Variants in RPH3A observed in about 807,000 individuals in gnomAD.
RPH3A encodes rabphilin-3A.
A neutral mutation model predicts 102.2 loss-of-function variants in RPH3A; 48 were observed. That is an observed-to-expected ratio of 0.47 (90% confidence interval 0.37 to 0.60). The LOEUF is 0.60. Among genes scored for constraint, RPH3A ranks in the 20% least tolerant of loss-of-function variants. RPH3A has a pLI of 0.00. For missense variants in RPH3A, 781 were observed against 910.1 expected (o/e 0.86, Z 1.83); for synonymous variants, 310 against 324.3 (o/e 0.96, Z 0.47).
chr12:112,816,787 GC>G (rs2041679514), intron 2 of RPH3A, among the ~76,000 whole-genome samples: 1 of 152,086 alleles, frequency 6.6e-6, no homozygotes, highest in Admixed American at 6.6e-5. Flanking sequence ...TTTCAGAAAG[GC>G]TGAGATATTT....
chr12:112,837,377 C>T (rs1349495582), intron 4 of RPH3A, among the ~76,000 whole-genome samples: 1 of 152,216 alleles, frequency 6.6e-6, no homozygotes, highest in African/African-American at 2.4e-5. Context: ...GTGTGAATTA[C>T]AGCCTTGCCT....
chr12:112,746,590 CT>C (rs2040748428), intron 1 of RPH3A, among the ~76,000 whole-genome samples: 1 of 152,092 alleles, frequency 6.6e-6, no homozygotes, highest in East Asian at 1.9e-4. Context: ...AAATATTTAC[CT>C]TCTCCACCAA....
At chr12:112,711,144 C>T (rs887693160) in intron 1 of RPH3A, among the ~76,000 whole-genome samples, 2 of 152,200 alleles carry the variant, frequency 1.3e-5, no homozygotes, top group African/African-American at 2.4e-5. Flanking sequence ...TGTACACACC[C>T]TGCATCTGAA....
intron 1 of RPH3A, among the ~76,000 whole-genome samples, chr12:112,734,113 T>C (rs1483625423): frequency 6.6e-6 from 1 of 152,206 alleles, no homozygotes; most frequent in Non-Finnish European, 1.5e-5. Flanking sequence ...TGCATAATGA[T>C]GTTTTGGTCA....
chr12:112,811,537 C>A (rs187068871), intron 2 of RPH3A, among the ~76,000 whole-genome samples: 2 of 148,738 alleles, frequency 1.3e-5, no homozygotes, highest in African/African-American at 2.5e-5. Flanking sequence ...AACCCCCCCC[C>A]CAAAAAAAAG....
At chr12:112,889,361 G>C (rs1223320723) in intron 17 of RPH3A, among the ~76,000 whole-genome samples, 1 of 152,244 alleles carries the variant, frequency 6.6e-6, no homozygotes, top group Non-Finnish European at 1.5e-5. Flanking sequence ...GGTGAATGCA[G>C]CCAGCCCCAG....
chr12:112,750,840 C>T (rs2040781419), intron 1 of RPH3A, among the ~76,000 whole-genome samples: 2 of 152,140 alleles, frequency 1.3e-5, no homozygotes, highest in African/African-American at 2.4e-5. Context: ...CAATGAGGAG[C>T]TAGGGGTTCT....
chr12:112,666,535 G>T (rs1255198803), intron 1 of RPH3A, among the ~76,000 whole-genome samples: 6 of 152,118 alleles, frequency 3.9e-5, no homozygotes, highest in Admixed American at 3.9e-4. Context: ...GACTGCTTTA[G>T]TTCCCCCCTT....
chr12:112,734,451 A>T (rs1291937765), intron 1 of RPH3A, among the ~76,000 whole-genome samples: 3 of 152,226 alleles, frequency 2.0e-5, no homozygotes, highest in Non-Finnish European at 4.4e-5. Flanking sequence ...CATGGCGAAT[A>T]TCAGTCCAAG....
intron 1 of RPH3A, among the ~76,000 whole-genome samples, chr12:112,755,971 G>C (rs1398051006): frequency 6.6e-6 from 1 of 152,174 alleles, no homozygotes; most frequent in Non-Finnish European, 1.5e-5. Context: ...ACATGGGGTA[G>C]AGAGTCAAAG....
chr12:112,648,036 T>C (rs1465639300), intron 1 of RPH3A, among the ~76,000 whole-genome samples: 1 of 152,232 alleles, frequency 6.6e-6, no homozygotes, highest in Non-Finnish European at 1.5e-5. Context: ...AATTTGGTTT[T>C]CTTCTATGTT....
At chr12:112,797,686 G>GA (rs967273678) in intron 2 of RPH3A, among the ~76,000 whole-genome samples, 5 of 148,536 alleles carry the variant, frequency 3.4e-5, no homozygotes, top group South Asian at 4.3e-4. Context: ...GAGAGTGAAT[G>GA]AAAAAAAAAA....
At chr12:112,636,268 G>A (rs1042047689) in intron 1 of RPH3A, among the ~76,000 whole-genome samples, 18 of 152,170 alleles carry the variant, frequency 1.2e-4, no homozygotes, top group Admixed American at 3.3e-4. Context: ...TTAAAAACAG[G>A]ACCCAGAAAT....
chr12:112,853,300 A>G (rs1015010131), intron 5 of RPH3A, among the ~76,000 whole-genome samples: 1 of 152,226 alleles, frequency 6.6e-6, no homozygotes, highest in Non-Finnish European at 1.5e-5. Flanking sequence ...AAAGTCTTCA[A>G]CATTCTATGG....
At chr12:112,743,097 A>C in intron 1 of RPH3A, among the ~76,000 whole-genome samples, 1 of 152,196 alleles carries the variant, frequency 6.6e-6, no homozygotes, top group Middle Eastern at 3.2e-3. Context: ...GATTACACTT[A>C]AAGTTCCCTC....
Position 112,847,788 on chromosome 12 carries a change from A to G in RPH3A, c.176A>G (p.Asn59Ser). The G allele has an allele frequency of 6.2e-7, 1 of 1,614,168 alleles. No homozygotes were observed. The highest frequency in any genetic ancestry group is 8.5e-7 in the Non-Finnish European group (1 of 1,179,998). The change falls in exon 5 of 22, where the codon AAC becomes AGC. Residue 59 changes from asparagine (N) to serine (S), a missense_variant. By Grantham distance (46) the Asn-to-Ser change is conservative. Transcript: ENST00000389385. ...ELTDEEKEII[N>S]RVIARAEKME... ...ACTGATGAGGAGAAAGAAATCATCA[A>G]CAGGGTGATTGCTCGAGCTGAGAAA... is the stretch of plus-strand genomic sequence containing the variant.
chr12:112,884,239 T>C (rs1231488118), intron 16 of RPH3A, among the ~76,000 whole-genome samples: 1 of 152,232 alleles, frequency 6.6e-6, no homozygotes, highest in Non-Finnish European at 1.5e-5. Flanking sequence ...ACTTGATCTG[T>C]TAAAAATCTT....
chr12:112,740,434 G>A (rs1040664822), intron 1 of RPH3A, among the ~76,000 whole-genome samples: 1 of 152,158 alleles, frequency 6.6e-6, no homozygotes, highest in Non-Finnish European at 1.5e-5. Context: ...ACACTCCAGT[G>A]ACTAAGCCTG....
chr12:112,658,551 C>T (rs1020464758), intron 1 of RPH3A, among the ~76,000 whole-genome samples: 3 of 152,180 alleles, frequency 2.0e-5, no homozygotes, highest in Non-Finnish European at 2.9e-5. Flanking sequence ...AGGACAAAGG[C>T]AGGGAGACCC....
Sources: allele counts gnomAD v4.1 joint callset (sites outside exome capture counted in the v4.1 genomes callset), GRCh38; gene constraint gnomAD v4.1.1; transcripts MANE v1.5; gene names NCBI Gene and HGNC (gene_info 2026-07-23, HGNC 2026-07-21).